Variants in GOLGA4 observed in about 807,000 individuals in gnomAD.
GOLGA4 encodes golgin A4, also known as golgin subfamily A member 4.
GOLGA4 carries 169 observed loss-of-function variants against 265.9 expected under a neutral mutation model. The observed-to-expected ratio is 0.64, with a 90% CI of 0.56 to 0.72. GOLGA4 has a LOEUF of 0.72. Among genes scored for constraint, GOLGA4 ranks in the 30% least tolerant of loss-of-function variants. The pLI is 0.00. For missense variants in GOLGA4, 2,482 were observed against 2,483.4 expected, an observed-to-expected ratio of 1.00 and a Z score of 0.01; for synonymous variants, 923 against 855.8, an observed-to-expected ratio of 1.08 and a Z score of -1.37.
At chr3:37,364,535 C>T (rs1376649916) in intron 23 of GOLGA4, among the ~76,000 whole-genome samples, 1 of 151,824 alleles carries the variant, frequency 6.6e-6, no homozygotes, top group East Asian at 1.9e-4. Context: ...AGCCACTGCT[C>T]CTGGCCAGCA....
At chr3:37,277,743 G>C (rs2096823336) in intron 2 of GOLGA4, among the ~76,000 whole-genome samples, 1 of 151,864 alleles carries the variant, frequency 6.6e-6, no homozygotes, top group East Asian at 1.9e-4. Flanking sequence ...TTTGGAGTAA[G>C]ACAAAAATTG....
intron 1 of GOLGA4, among the ~76,000 whole-genome samples, chr3:37,248,246 A>G (rs1021437951): frequency 2.0e-5 from 3 of 152,188 alleles, no homozygotes; most frequent in African/African-American, 7.2e-5. Flanking sequence ...AAGTGTTGGG[A>G]TTACAGGCAT....
chr3:37,315,199 T>C (rs2150927381), intron 10 of GOLGA4, among the ~76,000 whole-genome samples: 1 of 152,328 alleles, frequency 6.6e-6, no homozygotes, highest in African/African-American at 2.4e-5. Context: ...TAAACAAGTC[T>C]TAATATCCTA....
chr3:37,284,664 C>CTTTT (rs75537927), intron 3 of GOLGA4, among the ~76,000 whole-genome samples: 1 of 133,560 alleles, frequency 7.5e-6, no homozygotes, highest in African/African-American at 2.8e-5. Context: ...TCCATTGCTG[C>CTTTT]TTTTTTTTTT....
Position 37,324,739 on chromosome 3 carries a change from C to G in GOLGA4, c.2853C>G (p.Asn951Lys), listed in dbSNP as rs755948321. The stretch of plus-strand genomic sequence containing the variant: ...AGGAATATGAAACCAAATTTAAAAA[C>G]CAAGAAAAAAAGATGGAAAAAGTTA... ...LNEEYETKFK[N>K]QEKKMEKVKQ... Residue 951 changes from asparagine (N) to lysine (K), a missense_variant, in exon 14 of 24, where the codon AAC (asparagine) becomes AAG (lysine). By Grantham distance (94) the Asn-to-Lys change is moderately conservative. Transcript: ENST00000361924. The G allele has an allele frequency of 6.3e-7, 1 of 1,580,234 alleles. No individual in the cohort carries two copies. Among genetic ancestry groups the G allele is most frequent in the South Asian group, 1.2e-5 (1 of 83,654 alleles).
At chr3:37,267,365 T>G (rs1221240000) in intron 2 of GOLGA4, among the ~76,000 whole-genome samples, 1 of 152,260 alleles carries the variant, frequency 6.6e-6, no homozygotes, top group Non-Finnish European at 1.5e-5. Context: ...AATCCATAAT[T>G]AAACAGCATT....
chr3:37,250,372 C>T (rs1482168616), intron 1 of GOLGA4: 1 of 152,152 alleles, frequency 6.6e-6, no homozygotes, highest in Non-Finnish European at 1.5e-5. Context: ...TATCCTGATG[C>T]AAAATGTTAC....
At chr3:37,340,976 G>A (rs1189995620) in intron 20 of GOLGA4, among the ~76,000 whole-genome samples, 1 of 152,018 alleles carries the variant, frequency 6.6e-6, no homozygotes, top group Non-Finnish European at 1.5e-5. Context: ...GACCATCCTG[G>A]CCAACATGGT....
chr3:37,312,830 AG>A (rs2096926697), intron 10 of GOLGA4, among the ~76,000 whole-genome samples: 1 of 152,196 alleles, frequency 6.6e-6, no homozygotes, highest in African/African-American at 2.4e-5. Context: ...ATCTGGCAAT[AG>A]GAATCTTTAT....
At chr3:37,349,523 G>A (rs1168885443) in intron 21 of GOLGA4, among the ~76,000 whole-genome samples, 5 of 152,232 alleles carry the variant, frequency 3.3e-5, no homozygotes, top group African/African-American at 1.2e-4. Context: ...CAACTAAAAC[G>A]CTGGATTGAT....
chr3:37,319,238 G>C (rs1356979898), intron 12 of GOLGA4, 44 bp downstream of exon 12: 4 of 1,480,292 alleles, frequency 2.7e-6, no homozygotes, highest in Non-Finnish European at 2.8e-6. Context: ...ATACTTCTCA[G>C]AGTTACAAAG....
chr3:37,247,223 A>G (rs1384152631), intron 1 of GOLGA4, among the ~76,000 whole-genome samples: 3 of 152,226 alleles, frequency 2.0e-5, no homozygotes, highest in Non-Finnish European at 4.4e-5. Flanking sequence ...GACTTACAAC[A>G]GTGCTGTGAT....
chr3:37,342,481 T>C (rs1292178638), intron 20 of GOLGA4, among the ~76,000 whole-genome samples: 1 of 152,202 alleles, frequency 6.6e-6, no homozygotes, highest in East Asian at 1.9e-4. Context: ...CCCTGACTTT[T>C]CTTAATCATT....
intron 7 of GOLGA4, among the ~76,000 whole-genome samples, chr3:37,297,977 C>G (rs771303134): frequency 6.6e-6 from 1 of 151,494 alleles, no homozygotes; most frequent in Non-Finnish European, 1.5e-5. Context: ...TGCAGTGAGC[C>G]GAGATCATGC....
At position 37,326,547 on chromosome 3, in the gene GOLGA4, A is replaced by G; in HGVS notation, c.4661A>G (p.Gln1554Arg). The change falls in exon 14 of 24, where the codon CAA becomes CGA. Residue 1554 changes from glutamine (Q) to arginine (R), a missense_variant. Physicochemically the swap from Gln to Arg is conservative, Grantham distance 43. Around this residue, in one of 3 missense-constraint regions of GOLGA4, gnomAD observed 942 missense variants for 983.1 expected, o/e 0.96. Coordinates refer to ENST00000361924, the MANE Select transcript of GOLGA4 (RefSeq NM_002078.5). ...LNEVLKNYNQ[Q>R]KDIEHKELVQ... ...GAAGTTCTTAAAAATTACAATCAAC[A>G]AAAGGATATTGAACACAAAGAATTG... is the stretch of plus-strand genomic sequence containing the variant. 1 of 1,610,346 alleles carries G rather than the reference A, an allele frequency of 6.2e-7. No homozygotes were observed. Among genetic ancestry groups the G allele is most frequent in the Non-Finnish European group, 8.5e-7 (1 of 1,177,790 alleles).
intron 17 of GOLGA4, among the ~76,000 whole-genome samples, chr3:37,335,552 A>C (rs1315132257): frequency 1.3e-5 from 2 of 152,216 alleles, no homozygotes; most frequent in Admixed American, 1.3e-4. Context: ...TTTTGTGCTA[A>C]AAATTCACGT....
chr3:37,255,485 A>G (rs1206016837), intron 2 of GOLGA4, among the ~76,000 whole-genome samples: 1 of 152,134 alleles, frequency 6.6e-6, no homozygotes, highest in African/African-American at 2.4e-5. Flanking sequence ...TTTTATAAAG[A>G]AGCCTGAGGC....
At chr3:37,305,399 C>G (rs1336414846) in intron 10 of GOLGA4, among the ~76,000 whole-genome samples, 1 of 152,176 alleles carries the variant, frequency 6.6e-6, no homozygotes, top group Non-Finnish European at 1.5e-5. Flanking sequence ...ATAATGAAAG[C>G]TAGTTTTGCA....
intron 10 of GOLGA4, among the ~76,000 whole-genome samples, chr3:37,304,152 T>C (rs1285313090): frequency 2.0e-5 from 3 of 152,152 alleles, no homozygotes; most frequent in African/African-American, 7.2e-5. Context: ...ATATAAGATA[T>C]GTTTCAAGAA....
Sources: allele counts gnomAD v4.1 joint callset (sites outside exome capture counted in the v4.1 genomes callset), GRCh38; gene constraint gnomAD v4.1.1; regional missense constraint gnomAD v4.1.1; transcripts MANE v1.5; gene names NCBI Gene and HGNC (gene_info 2026-07-23, HGNC 2026-07-21).